Variants in ACAN observed in about 807,000 individuals in gnomAD.
The protein encoded by ACAN is aggrecan core protein.
ACAN carries 47 observed loss-of-function variants against 169.1 expected under a neutral mutation model. The ratio of observed to expected loss-of-function variants is 0.28; its 90% CI spans 0.22 to 0.35. ACAN has a LOEUF of 0.35. Ranked by LOEUF, ACAN falls within the 10% of genes least tolerant of loss-of-function variation. The pLI is 1.00. For missense variants in ACAN, 2,716 were observed against 2,759.9 expected (o/e 0.98, Z 0.36); for synonymous variants, 1,115 against 1,112.2 (o/e 1.00, Z -0.05).
Position 88,870,121 on chromosome 15 carries a change from C to G in ACAN, c.7061-1261C>G, listed in dbSNP as rs566345417. Among the ~76,000 whole-genome samples the G allele has an allele frequency of 6.6e-6, 1 of 152,204 alleles. No homozygotes were observed. Among genetic ancestry groups the G allele is most frequent in the African/African-American group, 2.4e-5 (1 of 41,442 alleles). On this transcript the variant is annotated intron_variant, in intron 14 of 18. Coordinates refer to ENST00000560601, the MANE Select transcript of ACAN (RefSeq NM_001369268.1). This position sits in a 1 kb window ranked among gnomAD's most constrained non-coding sequence, Gnocchi z 6.3. The stretch of plus-strand genomic sequence containing the variant: ...ATAGCTGAGGCACCAGAGGCCTCCA[C>G]GGCCCCTCCTACAGCTCTGTTCTTT...
Position 88,871,480 on chromosome 15 carries a change from C to T in ACAN, c.7159C>T (p.Arg2387Trp), listed in dbSNP as rs376535037. ...ETWVDAERRC[R>W]EQQSHLSSIV... ...CTGGGTGGATGCTGAGCGCCGGTGT[C>T]GGGAGCAGCAGTCACACCTGAGCAG... Residue 2387 changes from arginine to tryptophan, a missense_variant, in exon 15 of 19, where the codon CGG (arginine) becomes TGG (tryptophan). Physicochemically the swap from Arg to Trp is moderately radical, Grantham distance 101. Around this residue, in one of 3 missense-constraint regions of ACAN, gnomAD observed 1,389 missense variants for 1,363.7 expected, o/e 1.02. Transcript: ENST00000560601. This position sits in a 1 kb window ranked among gnomAD's most constrained non-coding sequence, Gnocchi z 7.8. 1.6e-5 allele frequency: 26 copies of T among 1,613,710 alleles called. No individual in the cohort carries two copies. The highest frequency in any genetic ancestry group is 6.7e-5 in the African/African-American group (5 of 74,926).
At position 88,810,456 on chromosome 15, in the gene ACAN, G is replaced by A. The variant is rs542705715; in HGVS notation, c.-8+6647G>A. ...GCCTTCTCGCCTCAGCCGCCGCCTC[G>A]GGTCCTGTGTAGGGGATTTTTCCCA... On this transcript the variant is annotated intron_variant, in intron 1 of 18. Transcript: ENST00000560601. Among the ~76,000 whole-genome samples, 44 of 152,120 alleles carry A rather than the reference G, an allele frequency of 2.9e-4. No homozygotes were observed. The East Asian group carries it at 4.3e-3, about 15-fold the overall frequency.
intron 1 of ACAN, among the ~76,000 whole-genome samples, chr15:88,805,463 A>T (rs80028089): frequency 0.021 from 3,268 of 152,312 alleles, 102 homozygotes; most frequent in African/African-American, 0.07. Context: ...TCTCTTGGAG[A>T]GATGCTGGAA....
intron 13 of ACAN, among the ~76,000 whole-genome samples, chr15:88,862,155 G>C (rs1269159790): frequency 3.9e-5 from 6 of 152,226 alleles, no homozygotes; most frequent in African/African-American, 1.4e-4. Context: ...CTTCAGGGGA[G>C]CCAGAATGGG....
rs559869836 is a variant in ACAN at position 88,871,042 on chromosome 15, C to T, written c.7061-340C>T. ...CATGTTTTGCCTTAAATCTCAAGAC[C>T]TCTCACCTTCCCACCTCTTTTGAAC... On this transcript the variant is annotated intron_variant, in intron 14 of 18. Coordinates refer to ENST00000560601, the MANE Select transcript of ACAN (RefSeq NM_001369268.1). The surrounding 1 kb of genome is among the most constrained non-coding windows in gnomAD (Gnocchi z 7.8). Among the ~76,000 whole-genome samples, 1 of 152,320 alleles carries T rather than the reference C, an allele frequency of 6.6e-6. No individual in the cohort carries two copies. The highest frequency in any genetic ancestry group is 2.4e-5 in the African/African-American group (1 of 41,568).
chr15:88,857,398 G>A lies in ACAN; in HGVS notation c.4813G>A (p.Asp1605Asn). ...DLVGSASGDL[D>N]LGKLPSGTLG... Reference sequence around the variant, plus strand: ...GGTGGGGTCAGCTTCTGGAGACTTGGACTTGGGCAAACTGCCTTCTGGAAC... The same window carrying A: ...GGTGGGGTCAGCTTCTGGAGACTTGAACTTGGGCAAACTGCCTTCTGGAAC... The change falls in exon 12 of 19, where the codon GAC (aspartate) becomes AAC (asparagine). Residue 1605 changes from aspartate to asparagine, a missense_variant. By Grantham distance (23) the Asp-to-Asn change is conservative. Transcript: ENST00000560601. 1 of 1,613,922 alleles carries A rather than the reference G, an allele frequency of 6.2e-7. No homozygotes were observed. The highest frequency in any genetic ancestry group is 8.5e-7 in the Non-Finnish European group (1 of 1,179,904).
Position 88,838,333 on chromosome 15 carries a change from T to A in ACAN, c.71-330T>A, listed in dbSNP as rs1896557807. Reference sequence around the variant, plus strand: ...GGTCCTGTTTTATTCCACGCTTTGGTGCCCACTGCAGTACCCCAGTTTGAG... The same window carrying A: ...GGTCCTGTTTTATTCCACGCTTTGGAGCCCACTGCAGTACCCCAGTTTGAG... On this transcript the variant is annotated intron_variant, in intron 2 of 18. Coordinates refer to ENST00000560601, the MANE Select transcript of ACAN (RefSeq NM_001369268.1). This position sits in a 1 kb window ranked among gnomAD's most constrained non-coding sequence, Gnocchi z 5.1. Among the ~76,000 whole-genome samples, 1 of 152,194 alleles carries A rather than the reference T, an allele frequency of 6.6e-6. No homozygotes were observed. Among genetic ancestry groups the A allele is most frequent in the Admixed American group, 6.5e-5 (1 of 15,278 alleles).
In ACAN at chr15:88,857,849, T is replaced by G; in HGVS notation, c.5264T>G (p.Leu1755Arg). 1 of 1,613,774 alleles carries G rather than the reference T, an allele frequency of 6.2e-7. No homozygotes were observed. The highest frequency in any genetic ancestry group is 8.5e-7 in the Non-Finnish European group (1 of 1,179,814). The stretch of plus-strand genomic sequence containing the variant: ...GGGGAAACATCTGGAGTGACTGAGC[T>G]TAGCGGGCTGTCCTCTGGACAACCA... ...TSGETSGVTELSGLSSGQPGI... is the reference protein window; with the variant it reads ...TSGETSGVTERSGLSSGQPGI... The change falls in exon 12 of 19, where the codon CTT becomes CGT. Residue 1755 changes from leucine (L) to arginine (R), a missense_variant. Physicochemically the swap from Leu to Arg is moderately radical, Grantham distance 102 (BLOSUM62 -2). Coordinates refer to ENST00000560601, the MANE Select transcript of ACAN (RefSeq NM_001369268.1).
chr15:88,805,010 A>G (rs139229952), intron 1 of ACAN, among the ~76,000 whole-genome samples: 1 of 152,320 alleles, frequency 6.6e-6, no homozygotes, highest in East Asian at 1.9e-4. Context: ...GTGGACCCAG[A>G]AAGGTGCAAT....
chr15:88,841,686 A>G lies in ACAN; in HGVS notation c.630-54A>G, dbSNP rs920347582. ...GGAGGAGGATTCAAAGGCAGAGGCCATGGGCTTCCCTTTGTCCCCTGAGTG... is the reference window on the plus strand; with the variant it reads ...GGAGGAGGATTCAAAGGCAGAGGCCGTGGGCTTCCCTTTGTCCCCTGAGTG... On this transcript the variant is annotated intron_variant, in intron 4 of 18. Transcript: ENST00000560601. 21 of 1,608,746 alleles carry G rather than the reference A, an allele frequency of 1.3e-5. No individual in the cohort carries two copies. In the Admixed American group the frequency reaches 3.2e-4, roughly 24 times the overall value.
chr15:88,822,921 A>T (rs533405915), intron 1 of ACAN, among the ~76,000 whole-genome samples: 1 of 152,244 alleles, frequency 6.6e-6, no homozygotes, highest in South Asian at 2.1e-4. Context: ...TGGACTAGTC[A>T]CCCCTTGTTT....
intron 1 of ACAN, among the ~76,000 whole-genome samples, chr15:88,804,527 G>A (rs922384669): frequency 1.3e-5 from 2 of 152,124 alleles, no homozygotes; most frequent in African/African-American, 4.8e-5. Context: ...GAAAGGGGAG[G>A]GGAGTTGAGG....
intron 13 of ACAN, among the ~76,000 whole-genome samples, chr15:88,864,382 C>T (rs1178882846): frequency 6.6e-6 from 1 of 151,962 alleles, no homozygotes; most frequent in Non-Finnish European, 1.5e-5. Context: ...ATTCTCCTGC[C>T]TCAGCCTCCC....
intron 1 of ACAN, among the ~76,000 whole-genome samples, chr15:88,817,864 A>G (rs930825171): frequency 7.9e-5 from 12 of 151,576 alleles, no homozygotes; most frequent in African/African-American, 2.9e-4. Context: ...AAAAAAAAAA[A>G]AAAAAGAAAG....
At chr15:88,837,926 T>C (rs1596129921) in intron 2 of ACAN, among the ~76,000 whole-genome samples, 1 of 151,602 alleles carries the variant, frequency 6.6e-6, no homozygotes, top group Non-Finnish European at 1.5e-5. Flanking sequence ...TTTCTTTTTT[T>C]TTTTTCCCCA....
chr15:88,813,395 T>G (rs76426606), intron 1 of ACAN, among the ~76,000 whole-genome samples: 1 of 152,166 alleles, frequency 6.6e-6, no homozygotes, highest in African/African-American at 2.4e-5. Flanking sequence ...GAAAAGAATA[T>G]GTCTTTACTG....
Position 88,803,804 on chromosome 15 carries a change from T to C in ACAN, c.-13T>C, listed in dbSNP as rs2141475235. Reference sequence around the variant, plus strand: ...GTTCTTGGAGAAGGGAGTCCAACTCTTCAAGGTAACTGTCTCCTTCCCTCC... The same window carrying C: ...GTTCTTGGAGAAGGGAGTCCAACTCCTCAAGGTAACTGTCTCCTTCCCTCC... On this transcript the variant is annotated 5_prime_UTR_variant, in exon 1 of 19. Transcript: ENST00000560601. The C allele has an allele frequency of 6.6e-6, 1 of 152,286 alleles. No individual in the cohort carries two copies. Among genetic ancestry groups the C allele is most frequent in the South Asian group, 2.1e-4 (1 of 4,824 alleles). 9.4% of individuals were successfully genotyped at this position (152,286 alleles called of 1,614,324 possible). A position where few individuals can be genotyped will look rare whatever the true frequency, so the allele number is the denominator to read the frequency against.
chr15:88,840,261 A>G, intron 4 of ACAN, 75 bp downstream of exon 4: 1 of 1,468,620 alleles, frequency 6.8e-7, no homozygotes, highest in Non-Finnish European at 9.0e-7. Flanking sequence ...GCTGGGTGGA[A>G]CGTTGGCCAG....
chr15:88,806,782 C>T (rs958942610), intron 1 of ACAN, among the ~76,000 whole-genome samples: 1 of 152,158 alleles, frequency 6.6e-6, no homozygotes, highest in Non-Finnish European at 1.5e-5. Flanking sequence ...TTGAGTCTGT[C>T]TCTGCTGCTG....
Sources: gnomAD v4.1 joint callset for allele counts (sites outside exome capture counted in the v4.1 genomes callset) on GRCh38, gnomAD v4.1.1 for gene constraint, gnomAD v4.1.1 regional missense constraint, Gnocchi (gnomAD v3.1) non-coding constraint, MANE v1.5 for transcripts, NCBI Gene and HGNC (gene_info 2026-07-23, HGNC 2026-07-21) for gene names.